FAM81A: variants seen among roughly 807,000 people sequenced by gnomAD.
FAM81A encodes family with sequence similarity 81 member A.
In FAM81A, 19 loss-of-function variants were observed where a neutral mutation model predicts 46.7. That is an observed-to-expected ratio of 0.41 (90% CI 0.28 to 0.60). FAM81A has a LOEUF of 0.60. FAM81A is among the 20% of genes least tolerant of loss of function. FAM81A has a pLI of 0.34. For missense variants in FAM81A, 377 were observed against 453.5 expected (o/e 0.83, Z 1.53); for synonymous variants, 183 against 152.9 (o/e 1.20, Z -1.45).
intron 4 of FAM81A, among the ~76,000 whole-genome samples, chr15:59,495,170 C>T (rs1486359540): frequency 6.6e-6 from 1 of 152,164 alleles, no homozygotes; most frequent in Non-Finnish European, 1.5e-5. Flanking sequence ...AAACCCCATA[C>T]CTGTTAGCTG....
chr15:59,443,313 C>T (rs1158599889), intron 1 of FAM81A, among the ~76,000 whole-genome samples: 2 of 152,172 alleles, frequency 1.3e-5, no homozygotes, highest in Non-Finnish European at 2.9e-5. Context: ...AACTCCTGAC[C>T]TCAGGTGATC....
intron 2 of FAM81A, among the ~76,000 whole-genome samples, chr15:59,419,860 A>G (rs1200199780): frequency 1.3e-5 from 2 of 152,348 alleles, no homozygotes; most frequent in African/African-American, 4.8e-5. Flanking sequence ...CCTGGACAAC[A>G]GAGCGAGACT....
upstream of FAM81A, chr15:59,438,095 C>A (rs1263857731): frequency 6.8e-6 from 1 of 146,588 alleles, no homozygotes; most frequent in East Asian, 2.0e-4. Context: ...GCGGCTCGCG[C>A]CCCCCGGGAG....
At chr15:59,471,404 C>T (rs1208462782) in intron 3 of FAM81A, among the ~76,000 whole-genome samples, 1 of 152,254 alleles carries the variant, frequency 6.6e-6, no homozygotes, top group East Asian at 1.9e-4. Flanking sequence ...CTCTTAAAGT[C>T]TGTTTTGTCT....
chr15:59,458,710 AG>A (rs2081513671), intron 2 of FAM81A, 64 bp downstream of exon 2: 4 of 1,461,134 alleles, frequency 2.7e-6, no homozygotes, highest in Non-Finnish European at 3.8e-6. Flanking sequence ...TACAAATCAA[AG>A]CTTGGGCTGT....
intron 8 of FAM81A, among the ~76,000 whole-genome samples, chr15:59,519,615 T>C (rs991032783): frequency 8.4e-4 from 122 of 146,002 alleles, no homozygotes; most frequent in African/African-American, 2.8e-3. Flanking sequence ...CCTTCCCTTC[T>C]TCCTTCCTTT....
intron 4 of FAM81A, among the ~76,000 whole-genome samples, chr15:59,500,898 A>G (rs1217244153): frequency 1.3e-5 from 2 of 152,138 alleles, no homozygotes; most frequent in African/African-American, 2.4e-5. Flanking sequence ...TTGTTATTAT[A>G]CATTCCTTTA....
At chr15:59,494,091 G>T (rs2082009514) in intron 4 of FAM81A, among the ~76,000 whole-genome samples, 1 of 152,126 alleles carries the variant, frequency 6.6e-6, no homozygotes, top group East Asian at 1.9e-4. Context: ...ATAGCTAAGT[G>T]CCTGGAACGG....
At chr15:59,467,612 A>C (rs1385033865) in intron 3 of FAM81A, among the ~76,000 whole-genome samples, 1 of 152,204 alleles carries the variant, frequency 6.6e-6, no homozygotes, top group African/African-American at 2.4e-5. Flanking sequence ...TTTTGGGCTG[A>C]GATGATGGGG....
intron 3 of FAM81A, among the ~76,000 whole-genome samples, chr15:59,469,278 TCTCACTGATC>T (rs1453868304): frequency 1.3e-5 from 2 of 152,206 alleles, no homozygotes; most frequent in African/African-American, 4.8e-5. Flanking sequence ...TAACCTTGTG[TCTCACTGATC>T]TGTCTAATAT....
intron 2 of FAM81A, among the ~76,000 whole-genome samples, chr15:59,426,089 G>A (rs748499629): frequency 6.6e-6 from 1 of 152,142 alleles, no homozygotes; most frequent in African/African-American, 2.4e-5. Context: ...TCTAAAAAAG[G>A]CTTCATAATG....
chr15:59,448,532 G>A (rs2081376407), intron 1 of FAM81A, among the ~76,000 whole-genome samples: 3 of 152,098 alleles, frequency 2.0e-5, no homozygotes, highest in Non-Finnish European at 4.4e-5. Flanking sequence ...TAGTAAGATA[G>A]ATAGATAGGT....
chr15:59,402,427 C>G (rs1761800310), intron 2 of FAM81A: 1 of 152,676 alleles, frequency 6.5e-6, no homozygotes, highest in Admixed American at 6.5e-5. Context: ...CGTTTAGGAA[C>G]AAGCCTCATG....
intron 6 of FAM81A, among the ~76,000 whole-genome samples, chr15:59,510,796 A>C (rs1201056641): frequency 2.7e-5 from 4 of 149,680 alleles, no homozygotes; most frequent in Non-Finnish European, 5.9e-5. Flanking sequence ...AAAAAAAAAA[A>C]AAAAAAAAAA....
chr15:59,485,808 T>A (rs987005965), intron 3 of FAM81A, among the ~76,000 whole-genome samples: 52 of 152,280 alleles, frequency 3.4e-4, no homozygotes, highest in African/African-American at 1.3e-3. Flanking sequence ...AAAATAGCTG[T>A]TTTGAGGAAA....
At chr15:59,446,559 C>G (rs2081356202) in intron 1 of FAM81A, 1 of 152,230 alleles carries the variant, frequency 6.6e-6, no homozygotes, top group Admixed American at 6.5e-5. Context: ...CTTCTACCTC[C>G]AACAGAATTC....
At chr15:59,458,670 C>A in intron 2 of FAM81A, 24 bp downstream of exon 2, 1 of 1,591,626 alleles carries the variant, frequency 6.3e-7, no homozygotes, top group Non-Finnish European at 8.6e-7. Flanking sequence ...TTCCACTCAT[C>A]CCATGGGGGC....
At chr15:59,434,571 T>C (rs1390104585), upstream of FAM81A, among the ~76,000 whole-genome samples, 1 of 152,236 alleles carries the variant, frequency 6.6e-6, no homozygotes, top group Admixed American at 6.5e-5. Context: ...ATCTGTGTCT[T>C]CTCTGACACT....
intron 3 of FAM81A, among the ~76,000 whole-genome samples, chr15:59,463,962 C>G (rs2141655819): frequency 6.6e-6 from 1 of 152,118 alleles, no homozygotes; most frequent in East Asian, 1.9e-4. Context: ...GCTATATCTC[C>G]TTCCCTTCCC....
Sources: allele counts gnomAD v4.1 joint callset (sites outside exome capture counted in the v4.1 genomes callset), GRCh38; gene constraint gnomAD v4.1.1; transcripts MANE v1.5; gene names NCBI Gene and HGNC (gene_info 2026-07-23, HGNC 2026-07-21).